The following NHSL2 variants were observed in gnomAD, a reference collection of about 807,000 sequenced individuals.
The protein encoded by NHSL2 is NHS-like protein 2.
Under a neutral mutation model 53.4 loss-of-function variants are expected in NHSL2, and 27 were observed. The observed-to-expected ratio is 0.51, with a 90% CI of 0.37 to 0.70. The LOEUF is 0.70. Ranked by LOEUF, NHSL2 falls within the 30% of genes least tolerant of loss-of-function variation. The probability of loss-of-function intolerance (pLI) is 0.00; values close to 1 mark genes in which losing one functional copy is unlikely to be tolerated. For synonymous variants in NHSL2, 408 were observed against 404.1 expected, an observed-to-expected ratio of 1.01 and a Z score of -0.12; for missense variants, 892 against 980.1, an observed-to-expected ratio of 0.91 and a Z score of 1.20.
At chrX:71,922,929 C>T (rs970533998) in intron 1 of NHSL2, among the ~76,000 whole-genome samples, 5 of 111,776 alleles carry the variant, frequency 4.5e-5, no homozygotes, top group African/African-American at 1.6e-4. Flanking sequence ...GCGAAATAGC[C>T]CAATGAAATC....
At chrX:71,975,567 T>A (rs2041944675) in intron 1 of NHSL2, among the ~76,000 whole-genome samples, 1 of 111,363 alleles carries the variant, frequency 9.0e-6, no homozygotes, top group Non-Finnish European at 1.9e-5. Flanking sequence ...ACAATTATTA[T>A]CTCCAGGCCC....
At chrX:72,009,152 A>G (rs1469285637) in intron 1 of NHSL2, among the ~76,000 whole-genome samples, 2 of 112,089 alleles carry the variant, frequency 1.8e-5, no homozygotes, top group African/African-American at 3.3e-5. Flanking sequence ...GCTTTTCCCC[A>G]GTATATCAGG....
intron 1 of NHSL2, among the ~76,000 whole-genome samples, chrX:72,122,100 CT>C (rs1382782933): frequency 2.7e-5 from 3 of 111,975 alleles, no homozygotes; most frequent in Non-Finnish European, 5.6e-5. Flanking sequence ...GATTGTTTGC[CT>C]TTGTGATTCT....
At position 72,147,684 on chromosome X, in the gene NHSL2, G is replaced by C. The variant is rs190528852; in HGVS notation, c.*4110G>C. ...GACTGAGTTGACGGTCTGTCACCAG[G>C]ATCCTCCCTCTCCTCTTTCTGCTCC... On this transcript the variant is annotated 3_prime_UTR_variant, in exon 8 of 8. Transcript: ENST00000633930. The C allele has an allele frequency of 8.9e-6, 1 of 111,779 alleles. No homozygotes were observed. The highest frequency in any genetic ancestry group is 1.9e-5 in the Non-Finnish European group (1 of 53,142). 9.2% of individuals were successfully genotyped at this position (111,779 alleles called of 1,213,427 possible).
At chrX:71,927,578 A>G (rs1452675307) in intron 1 of NHSL2, among the ~76,000 whole-genome samples, 1 of 107,398 alleles carries the variant, frequency 9.3e-6, no homozygotes, top group Non-Finnish European at 1.9e-5. Context: ...TTTTTTTGAG[A>G]CGGAGTCTTG....
chrX:72,036,776 C>A (rs1190320476), intron 1 of NHSL2, among the ~76,000 whole-genome samples: 4 of 111,881 alleles, frequency 3.6e-5, no homozygotes, highest in African/African-American at 1.3e-4. Flanking sequence ...TGCTGTTGAG[C>A]CCATCCACTG....
intron 1 of NHSL2, among the ~76,000 whole-genome samples, chrX:71,951,007 C>CACACACACACACACACA (rs1775291950): frequency 9.5e-6 from 1 of 104,954 alleles, no homozygotes; most frequent in Non-Finnish European, 2.0e-5. Flanking sequence ...ATACAAAATA[C>CACACACACACACACACA]ACACACACAC....
intron 1 of NHSL2, among the ~76,000 whole-genome samples, chrX:71,932,579 G>C (rs2041718929): frequency 9.0e-6 from 1 of 111,625 alleles, no homozygotes; most frequent in African/African-American, 3.3e-5. Flanking sequence ...ACCCTGCAGA[G>C]GAGGTGGACA....
chrX:71,954,264 C>A (rs775851128), intron 1 of NHSL2, among the ~76,000 whole-genome samples: 1 of 111,777 alleles, frequency 8.9e-6, no homozygotes, highest in African/African-American at 3.3e-5. Context: ...CATTTGACAT[C>A]TGAGGAAACT....
chrX:72,135,699 T>C (rs1006227426), intron 4 of NHSL2, among the ~76,000 whole-genome samples: 17 of 111,902 alleles, frequency 1.5e-4, no homozygotes, highest in Non-Finnish European at 3.0e-4. Flanking sequence ...TGAGGGCTGA[T>C]GAGGAAAGAC....
chrX:71,997,341 A>T (rs896638042), intron 1 of NHSL2, among the ~76,000 whole-genome samples: 1 of 112,038 alleles, frequency 8.9e-6, no homozygotes, highest in African/African-American at 3.3e-5. Context: ...GCTAAGTCTG[A>T]CAGTCTCCAG....
At chrX:72,095,212 A>G (rs2041934283) in intron 1 of NHSL2, among the ~76,000 whole-genome samples, 1 of 112,697 alleles carries the variant, frequency 8.9e-6, no homozygotes, top group South Asian at 3.6e-4. Context: ...AGAAAGCTGT[A>G]AACAGGAAAG....
chrX:71,955,038 C>G (rs778979244), intron 1 of NHSL2, among the ~76,000 whole-genome samples: 1 of 112,137 alleles, frequency 8.9e-6, no homozygotes, highest in African/African-American at 3.2e-5. Context: ...TTATACAATC[C>G]TCACTTTCCT....
chrX:72,016,422 A>G (rs963494072), intron 1 of NHSL2, among the ~76,000 whole-genome samples: 2 of 112,046 alleles, frequency 1.8e-5, no homozygotes, highest in Non-Finnish European at 3.8e-5. Context: ...TCTTTTCCCC[A>G]AAAAAATTGT....
intron 1 of NHSL2, 107 bp from the exon 2 acceptor site, chrX:72,131,972 C>CA (rs1297244624): frequency 1.3e-6 from 1 of 777,682 alleles, no homozygotes; most frequent in Admixed American, 3.0e-5. Context: ...GCACTCCCCC[C>CA]ACCCCACGCA....
chrX:71,963,543 T>C (rs2041877947), intron 1 of NHSL2, among the ~76,000 whole-genome samples: 1 of 110,991 alleles, frequency 9.0e-6, no homozygotes, highest in South Asian at 3.8e-4. Flanking sequence ...ATGCTGTCTC[T>C]AGGAGACACT....
intron 1 of NHSL2, among the ~76,000 whole-genome samples, chrX:71,994,298 C>CTGTGTGTATGTGTG (rs2042040157): frequency 1.1e-5 from 1 of 90,061 alleles, no homozygotes; most frequent in African/African-American, 4.1e-5. Context: ...GAGGCTCCCT[C>CTGTGTGTATGTGTG]TGTGTGTGTG....
intron 1 of NHSL2, among the ~76,000 whole-genome samples, chrX:72,017,874 C>T (rs2042142093): frequency 9.0e-6 from 1 of 111,712 alleles, no homozygotes; most frequent in Non-Finnish European, 1.9e-5. Context: ...CTAAGTCCTT[C>T]CCATTCCCAG....
At chrX:72,131,923 C>A in intron 1 of NHSL2, 156 bp from the exon 2 acceptor site, 1 of 508,375 alleles carries the variant, frequency 2.0e-6, no homozygotes, top group Non-Finnish European at 3.2e-6. Flanking sequence ...GAGGAAAAAT[C>A]TTGCGGCCGG....
Sources: gnomAD v4.1 joint callset for allele counts (sites outside exome capture counted in the v4.1 genomes callset) on GRCh38, gnomAD v4.1.1 for gene constraint, MANE v1.5 for transcripts, NCBI Gene and HGNC (gene_info 2026-07-23, HGNC 2026-07-21) for gene names.